Variants in UBE2G2 observed in about 807,000 individuals in gnomAD.
UBE2G2 encodes the protein ubiquitin-conjugating enzyme E2 G2.
Under a neutral mutation model 23.0 loss-of-function variants are expected in UBE2G2, and 10 were observed. The ratio of observed to expected loss-of-function variants is 0.43; its 90% confidence interval spans 0.27 to 0.74. UBE2G2 has a LOEUF of 0.74. UBE2G2 is among the 30% of genes least tolerant of loss of function. UBE2G2 has a pLI of 0.19. For missense variants in UBE2G2, 150 were observed against 218.3 expected, an observed-to-expected ratio of 0.69 and a Z score of 1.97; for synonymous variants, 86 against 81.3, an observed-to-expected ratio of 1.06 and a Z score of -0.31.
Position 44,801,318 on chromosome 21 carries a change from T to C in UBE2G2, c.43+388A>G, listed in dbSNP as rs542880408. 5.7e-6 allele frequency: 6 copies of C among 1,046,888 alleles called. No individual in the cohort carries two copies. In the East Asian group the frequency reaches 4.6e-4, roughly 80 times the overall value. The allele number at this position is 1,046,888 out of a possible 1,614,324, so 64.8% of individuals were successfully genotyped here. On this transcript the variant is annotated intron_variant, in intron 1 of 5. Transcript: ENST00000345496. ...CTCCACCAACGAGCCTTTCCCCTTT[T>C]AACGCATACACTTTTCCCTCCTAAT...
intron 1 of UBE2G2, among the ~76,000 whole-genome samples, chr21:44,793,089 C>G (rs2083057862): frequency 6.6e-6 from 1 of 152,252 alleles, no homozygotes; most frequent in South Asian, 2.1e-4. Context: ...GCTTCCTACA[C>G]CCAGTCATCT....
At chr21:44,796,659 G>A (rs1378800660) in intron 1 of UBE2G2, among the ~76,000 whole-genome samples, 2 of 152,194 alleles carry the variant, frequency 1.3e-5, no homozygotes, top group Admixed American at 6.5e-5. Context: ...CAAATTTAGT[G>A]ATTTAAAACA....
At chr21:44,776,555 T>A (rs987475419) in intron 4 of UBE2G2, among the ~76,000 whole-genome samples, 4 of 152,238 alleles carry the variant, frequency 2.6e-5, no homozygotes, top group East Asian at 3.8e-4. Flanking sequence ...ATATATGATA[T>A]AGTTTGGGTG....
intron 3 of UBE2G2, among the ~76,000 whole-genome samples, chr21:44,785,053 T>C (rs2082984775): frequency 6.6e-6 from 1 of 152,198 alleles, no homozygotes; most frequent in Non-Finnish European, 1.5e-5. Flanking sequence ...CGTGGCTTAG[T>C]GGCAATGGGG....
intron 3 of UBE2G2, chr21:44,785,701 T>C (rs888542999): frequency 3.3e-5 from 5 of 152,216 alleles, no homozygotes; most frequent in Admixed American, 2.0e-4. Context: ...TCTGCCAAAA[T>C]AGCAGGGTGA....
At chr21:44,786,507 T>A (rs2082997942) in intron 3 of UBE2G2, among the ~76,000 whole-genome samples, 1 of 152,366 alleles carries the variant, frequency 6.6e-6, no homozygotes, top group East Asian at 1.9e-4. Flanking sequence ...GATGATTTTT[T>A]AAAAACATTT....
intron 3 of UBE2G2, among the ~76,000 whole-genome samples, chr21:44,778,954 T>A (rs1422025299): frequency 6.6e-6 from 1 of 152,162 alleles, no homozygotes; most frequent in African/African-American, 2.4e-5. Context: ...AAAAATAATT[T>A]AAAAAAATAT....
chr21:44,799,099 C>A (rs1555964322), intron 1 of UBE2G2, among the ~76,000 whole-genome samples: 1 of 152,142 alleles, frequency 6.6e-6, no homozygotes, highest in Non-Finnish European at 1.5e-5. Flanking sequence ...AGCAGTAGGT[C>A]TCAACAGTGG....
intron 4 of UBE2G2, chr21:44,775,093 T>C (rs1288762058): frequency 6.1e-6 from 1 of 163,580 alleles, no homozygotes; most frequent in African/African-American, 2.4e-5. Context: ...AGTCTTTCAA[T>C]GGAGTTCCGC....
chr21:44,788,029 A>T, intron 2 of UBE2G2, 31 bp downstream of exon 2: 2 of 1,611,868 alleles, frequency 1.2e-6, no homozygotes, highest in Non-Finnish European at 1.7e-6. Context: ...ATTAAAAGTA[A>T]ATTATAAGGA....
At chr21:44,795,167 G>A (rs1196494010) in intron 1 of UBE2G2, among the ~76,000 whole-genome samples, 1 of 152,126 alleles carries the variant, frequency 6.6e-6, no homozygotes, top group African/African-American at 2.4e-5. Flanking sequence ...GGAAGCTGAG[G>A]CAGGAGAATT....
chr21:44,784,723 T>C (rs2082982211), intron 3 of UBE2G2, among the ~76,000 whole-genome samples: 1 of 152,128 alleles, frequency 6.6e-6, no homozygotes, highest in Non-Finnish European at 1.5e-5. Flanking sequence ...ATGAGCCAGC[T>C]GGAGAACCTG....
intron 1 of UBE2G2, among the ~76,000 whole-genome samples, chr21:44,792,588 A>G (rs1421137838): frequency 6.6e-6 from 1 of 152,206 alleles, no homozygotes; most frequent in Non-Finnish European, 1.5e-5. Flanking sequence ...TCAGTTATGC[A>G]GAACTGTGAG....
intron 1 of UBE2G2, 37 bp from the exon 2 acceptor site, chr21:44,788,132 A>G: frequency 1.9e-6 from 3 of 1,554,672 alleles, no homozygotes; most frequent in South Asian, 2.4e-5. Context: ...ACCAAACAGA[A>G]TAAATGTTAC....
At chr21:44,793,907 G>A (rs963185422) in intron 1 of UBE2G2, among the ~76,000 whole-genome samples, 6 of 152,110 alleles carry the variant, frequency 3.9e-5, no homozygotes. Flanking sequence ...ATCAACAGAG[G>A]ACCAGTCAAA....
chr21:44,784,147 C>T (rs1469278861), intron 3 of UBE2G2, among the ~76,000 whole-genome samples: 7 of 150,514 alleles, frequency 4.7e-5, no homozygotes. Context: ...CAGAGCTAGA[C>T]CATGTCTCCA....
At chr21:44,783,404 C>T (rs2082971199) in intron 3 of UBE2G2, among the ~76,000 whole-genome samples, 1 of 152,222 alleles carries the variant, frequency 6.6e-6, no homozygotes, top group African/African-American at 2.4e-5. Flanking sequence ...AGCAATTCCA[C>T]ACCTCTATAT....
At chr21:44,786,867 G>A (rs1264382618) in intron 3 of UBE2G2, among the ~76,000 whole-genome samples, 2 of 152,166 alleles carry the variant, frequency 1.3e-5, no homozygotes, top group Non-Finnish European at 2.9e-5. Flanking sequence ...CAAGGCAGGC[G>A]GAACACCTGA....
intron 3 of UBE2G2, among the ~76,000 whole-genome samples, chr21:44,787,045 T>C (rs1396856260): frequency 6.6e-6 from 1 of 151,408 alleles, no homozygotes; most frequent in African/African-American, 2.4e-5. Context: ...TGAGCCAAGG[T>C]TGTGCCACCG....
Sources: allele counts gnomAD v4.1 joint callset (sites outside exome capture counted in the v4.1 genomes callset), GRCh38; gene constraint gnomAD v4.1.1; transcripts MANE v1.5; gene names NCBI Gene and HGNC (gene_info 2026-07-23, HGNC 2026-07-21).